ZFP14: variants seen among roughly 807,000 people sequenced by gnomAD.
The protein encoded by ZFP14 is zinc finger protein 14 homolog.
ZFP14 carries 22 observed loss-of-function variants against 54.5 expected under a neutral mutation model. The observed-to-expected ratio is 0.40, with a 90% CI of 0.29 to 0.58. The LOEUF (loss-of-function observed/expected upper bound fraction) is 0.58, where lower values mean the gene tolerates loss of function less well. Among genes scored for constraint, ZFP14 ranks in the 20% least tolerant of loss-of-function variants. ZFP14 has a pLI of 0.39. For synonymous variants in ZFP14, 159 were observed against 204.0 expected (o/e 0.78, Z 1.88); for missense variants, 470 against 637.8 (o/e 0.74, Z 2.83).
rs1466658334 is a variant in ZFP14 at position 36,352,076 on chromosome 19, C to T, written c.235+8359G>A. ...GTGAGCGCCTGTAGTCCCAGCTACT[C>T]GGGAGGCTGAGGCAGGAGAACGGCG... On this transcript the variant is annotated intron_variant, in intron 4 of 4. Coordinates refer to ENST00000270001, the MANE Select transcript of ZFP14 (RefSeq NM_020917.3). Among the ~76,000 whole-genome samples the T allele has an allele frequency of 1.4e-5, 2 of 139,892 alleles. 1 individual carries two copies. Among genetic ancestry groups the T allele is most frequent in the Non-Finnish European group, 3.1e-5 (2 of 63,502 alleles). The allele number at this position is 139,892 out of a possible 152,430, so 91.8% of individuals were successfully genotyped here. A position where few individuals can be genotyped will look rare whatever the true frequency, so the allele number is the denominator to read the frequency against.
At chr19:36,358,645 G>A (rs1178034674) in intron 4 of ZFP14, among the ~76,000 whole-genome samples, 1 of 152,072 alleles carries the variant, frequency 6.6e-6, no homozygotes, top group Admixed American at 6.6e-5. Flanking sequence ...CCAGATTGAG[G>A]AAGTTCCCTT....
chr19:36,351,769 G>A (rs2031529873), intron 4 of ZFP14, among the ~76,000 whole-genome samples: 1 of 142,514 alleles, frequency 7.0e-6, no homozygotes, highest in African/African-American at 2.6e-5. Context: ...TGAAGTAGGA[G>A]AATTGCTTGA....
At chr19:36,367,769 G>T in intron 2 of ZFP14, 115 bp downstream of exon 2, 1 of 1,265,700 alleles carries the variant, frequency 7.9e-7, no homozygotes, top group Non-Finnish European at 1.1e-6. Context: ...CAGCCATGGA[G>T]CAGGTTCTTG....
Position 36,341,671 on chromosome 19 carries a change from A to C in ZFP14, c.236-81T>G, listed in dbSNP as rs2031318923. On this transcript the variant is annotated intron_variant, in intron 4 of 4. Transcript: ENST00000270001. The surrounding 1 kb of genome is among the most constrained non-coding windows in gnomAD (Gnocchi z 4.2). ...ACAAACAAACAAAAAAACCACTTCTATAGAGAAAAGGCACCTAAAATAATG... is the reference window on the plus strand; with the variant it reads ...ACAAACAAACAAAAAAACCACTTCTCTAGAGAAAAGGCACCTAAAATAATG... The C allele has an allele frequency of 7.3e-7, 1 of 1,378,244 alleles. No individual in the cohort carries two copies. The highest frequency in any genetic ancestry group is 9.6e-7 in the Non-Finnish European group (1 of 1,044,134). The allele number at this position is 1,378,244 out of a possible 1,614,324, so 85.4% of individuals were successfully genotyped here.
intron 2 of ZFP14, among the ~76,000 whole-genome samples, chr19:36,365,141 T>A (rs956421992): frequency 3.3e-5 from 5 of 151,490 alleles, no homozygotes; most frequent in African/African-American, 1.2e-4. Flanking sequence ...AAGGAGGGAT[T>A]ACAGGCGTGA....
intron 1 of ZFP14, among the ~76,000 whole-genome samples, chr19:36,375,248 A>G (rs2031941877): frequency 6.6e-6 from 1 of 152,198 alleles, no homozygotes; most frequent in African/African-American, 2.4e-5. Context: ...TAAGGCATAC[A>G]TCTGTATGAA....
chr19:36,352,395 AAAGT>A lies in ZFP14; in HGVS notation c.235+8036_235+8039del, dbSNP rs548307655. Among the ~76,000 whole-genome samples the A allele has an allele frequency of 2.3e-3, 327 of 143,838 alleles. 43 individuals are homozygous for A. The highest frequency in any genetic ancestry group is 4.0e-3 in the Non-Finnish European group (260 of 64,692). 94.4% of individuals were successfully genotyped at this position (143,838 alleles called of 152,430 possible). On this transcript the variant is annotated intron_variant, in intron 4 of 4. Transcript: ENST00000270001. ...ATCCAAAAAAGGCAGGAGAATGAAA[AAAGT>A]AAGAACATATTAAGCAAACAGAAAA...
chr19:36,368,361 G>A (rs1005838423), intron 1 of ZFP14, among the ~76,000 whole-genome samples: 9 of 152,112 alleles, frequency 5.9e-5, no homozygotes, highest in African/African-American at 1.2e-4. Flanking sequence ...CCAGCTACTC[G>A]GGAGGCTGAG....
intron 3 of ZFP14, among the ~76,000 whole-genome samples, chr19:36,360,879 T>C (rs1243997644): frequency 6.6e-6 from 1 of 152,228 alleles, no homozygotes; most frequent in Non-Finnish European, 1.5e-5. Flanking sequence ...CCTGCCTTTG[T>C]TTCTGTGTTA....
intron 4 of ZFP14, among the ~76,000 whole-genome samples, chr19:36,348,394 T>C (rs2031456279): frequency 6.6e-6 from 1 of 152,184 alleles, no homozygotes; most frequent in South Asian, 2.1e-4. Context: ...TTGGCCTTCA[T>C]GAGATCAGAA....
Position 36,338,680 on chromosome 19 carries a change from C to T in ZFP14, c.*1544G>A, listed in dbSNP as rs563640289. 3.9e-5 allele frequency: 6 copies of T among 152,096 alleles called. No individual in the cohort carries two copies. The highest frequency in any genetic ancestry group is 8.8e-5 in the Non-Finnish European group (6 of 68,022). 9.4% of individuals were successfully genotyped at this position (152,096 alleles called of 1,614,324 possible). A position where few individuals can be genotyped will look rare whatever the true frequency, so the allele number is the denominator to read the frequency against. On this transcript the variant is annotated 3_prime_UTR_variant, in exon 5 of 5. Coordinates refer to ENST00000270001, the MANE Select transcript of ZFP14 (RefSeq NM_020917.3). ...GTGCTCTAGCATCTTTCATAGGTTA[C>T]CAAATTATGCAGCCACAATCAAGTA...
At position 36,360,023 on chromosome 19, in the gene ZFP14, T is replaced by C. The variant is rs138081151; in HGVS notation, c.235+412A>G. 485 of 152,666 alleles carry C rather than the reference T, an allele frequency of 3.2e-3. 2 individuals are homozygous for C. Among genetic ancestry groups the C allele is most frequent in the African/African-American group, 0.011 (461 of 41,588 alleles). 9.5% of individuals were successfully genotyped at this position (152,666 alleles called of 1,614,324 possible). ...CCTCTTTCATTCCTGATGTTAGTAA[T>C]TTATGTTCTTTAAAAAGAGAGAATG... On this transcript the variant is annotated intron_variant, in intron 4 of 4. Transcript: ENST00000270001.
Position 36,341,366 on chromosome 19 carries a change from T to C in ZFP14, c.460A>G (p.Lys154Glu). ...KITSEKMTTY[K>E]RHNFLTEYQI... is the part of the protein sequence containing the mutation. Reference sequence around the variant, plus strand: ...TACTCAGTAAGAAAATTGTGCCTTTTGTAAGTGGTCATTTTTTCAGAGGTA... The same window carrying C: ...TACTCAGTAAGAAAATTGTGCCTTTCGTAAGTGGTCATTTTTTCAGAGGTA... The change falls in exon 5 of 5, where the codon AAA becomes GAA. Residue 154 changes from lysine (K) to glutamate (E), a missense_variant. Physicochemically the swap from Lys to Glu is moderately conservative, Grantham distance 56 (BLOSUM62 1). Coordinates refer to ENST00000270001, the MANE Select transcript of ZFP14 (RefSeq NM_020917.3). The surrounding 1 kb of genome is among the most constrained non-coding windows in gnomAD (Gnocchi z 4.2). 1 of 1,614,136 alleles carries C rather than the reference T, an allele frequency of 6.2e-7. No homozygotes were observed. The highest frequency in any genetic ancestry group is 8.5e-7 in the Non-Finnish European group (1 of 1,180,008).
At chr19:36,346,306 GAAAACAAAAACA>G (rs965147454) in intron 4 of ZFP14, among the ~76,000 whole-genome samples, 17 of 151,050 alleles carry the variant, frequency 1.1e-4, no homozygotes, top group African/African-American at 3.4e-4. Context: ...AGGTTGTTTG[GAAAACAAAAACA>G]AAAACAAAAC....
rs1183192472 is a variant in ZFP14, at chr19:36,358,560, TTA to T, written c.235+1873_235+1874del. Among the ~76,000 whole-genome samples the T allele has an allele frequency of 4.6e-5, 7 of 152,310 alleles. 1 individual carries two copies. The East Asian group carries it at 1.3e-3, about 29-fold the overall frequency. On this transcript the variant is annotated intron_variant, in intron 4 of 4. Coordinates refer to ENST00000270001, the MANE Select transcript of ZFP14 (RefSeq NM_020917.3). ...AGACTTATGTCTTCCTTTTTGATCT[TTA>T]TGTCTCATTTCTTTTTCTTTTGATA... is the stretch of plus-strand genomic sequence containing the variant.
chr19:36,379,177 AC>A lies in ZFP14; in HGVS notation c.-95del, dbSNP rs2032012675. On this transcript the variant is annotated 5_prime_UTR_variant, in exon 1 of 5. Transcript: ENST00000270001. ...GACCAACTCACCTCTCGGAGCCGAC[AC>A]CAGCAGCGAAGCCGGAAAGAACTGC... 1 of 152,556 alleles carries A rather than the reference AC, an allele frequency of 6.6e-6. No individual in the cohort carries two copies. The highest frequency in any genetic ancestry group is 2.4e-5 in the African/African-American group (1 of 41,458). 9.5% of individuals were successfully genotyped at this position (152,556 alleles called of 1,614,324 possible).
At chr19:36,369,240 T>A (rs1256502091) in intron 1 of ZFP14, among the ~76,000 whole-genome samples, 1 of 152,154 alleles carries the variant, frequency 6.6e-6, no homozygotes, top group Non-Finnish European at 1.5e-5. Flanking sequence ...GTTGGGTACT[T>A]CATACACATT....
chr19:36,337,319 G>A lies in ZFP14; in HGVS notation c.*2905C>T, dbSNP rs1439629566. 6.6e-6 allele frequency: 1 copy of A among 151,994 alleles called. No homozygotes were observed. The highest frequency in any genetic ancestry group is 1.5e-5 in the Non-Finnish European group (1 of 68,014). 9.4% of individuals were successfully genotyped at this position (151,994 alleles called of 1,614,324 possible). A position where few individuals can be genotyped will look rare whatever the true frequency, so the allele number is the denominator to read the frequency against. ...GTAGAATTTCACACATTCTGGATCT[G>A]TTTGGCTTCTTCCTTGTGGTGCCCT... On this transcript the variant is annotated 3_prime_UTR_variant, in exon 5 of 5. Transcript: ENST00000270001.
At chr19:36,360,269 CCAGG>C in intron 4 of ZFP14, 162 bp downstream of exon 4, 1 of 418,942 alleles carries the variant, frequency 2.4e-6, no homozygotes, top group Non-Finnish European at 4.2e-6. Context: ...CTTTGCTAGT[CCAGG>C]CTTAAAAGAT....
Sources: allele counts gnomAD v4.1 joint callset (sites outside exome capture counted in the v4.1 genomes callset), GRCh38; gene constraint gnomAD v4.1.1; non-coding constraint Gnocchi (gnomAD v3.1); transcripts MANE v1.5; gene names NCBI Gene and HGNC (gene_info 2026-07-23, HGNC 2026-07-21).